RAD17: variants seen among roughly 807,000 people sequenced by gnomAD.
The protein encoded by RAD17 is cell cycle checkpoint protein RAD17.
RAD17 carries 31 observed loss-of-function variants against 81.5 expected under a neutral mutation model. The observed-to-expected ratio is 0.38, with a 90% confidence interval of 0.29 to 0.51. The LOEUF (loss-of-function observed/expected upper bound fraction) is 0.51, where lower values mean the gene tolerates loss of function less well. Ranked by LOEUF, RAD17 falls within the 20% of genes least tolerant of loss-of-function variation. RAD17 has a pLI of 0.88. For synonymous variants in RAD17, 261 were observed against 266.2 expected, an observed-to-expected ratio of 0.98 and a Z score of 0.19; for missense variants, 681 against 781.2, an observed-to-expected ratio of 0.87 and a Z score of 1.53.
rs760080251 is a variant in RAD17, at chr5:69,382,038, C to G, written c.489C>G (p.Phe163Leu). 1 of 1,612,554 alleles carries G rather than the reference C, an allele frequency of 6.2e-7. No individual in the cohort carries two copies. The highest frequency in any genetic ancestry group is 1.1e-5 in the South Asian group (1 of 90,894). ...TACCAGACTTCCAAAAAGATGATTT[C>G]AAGGGGATGTTTAATACTGGTAAGA... ...PVLPDFQKDD[F>L]KGMFNTESSF... is the part of the protein sequence containing the mutation. Residue 163 changes from phenylalanine (F) to leucine (L), a missense_variant, in exon 7 of 19, where the codon TTC becomes TTG. Coordinates refer to ENST00000354868, the MANE Select transcript of RAD17 (RefSeq NM_133338.3).
chr5:69,386,627 T>C lies in RAD17; in HGVS notation c.894+162T>C, dbSNP rs142790661. ...TAGCAAATGTAGGAAATACTGATTT[T>C]AAAAATCTTTAACATTTTTCTACTA... is the stretch of plus-strand genomic sequence containing the variant. On this transcript the variant is annotated intron_variant, in intron 11 of 18. Transcript: ENST00000354868. Among the ~76,000 whole-genome samples, 487 of 152,314 alleles carry C rather than the reference T, an allele frequency of 3.2e-3. 3 individuals carry two copies. Among genetic ancestry groups the C allele is most frequent in the African/African-American group, 0.011 (456 of 41,584 alleles).
intron 1 of RAD17, chr5:69,370,376 GT>G (rs1446425390): frequency 6.6e-6 from 1 of 152,492 alleles, no homozygotes; most frequent in Non-Finnish European, 1.5e-5. Flanking sequence ...TTTTTGTTTT[GT>G]TTTGAGACGG....
chr5:69,383,330 T>A (rs1763970106), intron 7 of RAD17, among the ~76,000 whole-genome samples: 1 of 151,900 alleles, frequency 6.6e-6, no homozygotes, highest in Admixed American at 6.6e-5. Flanking sequence ...GCTACTAGTA[T>A]CCCATCCTGC....
rs1447121834 is a variant in RAD17 at position 69,391,817 on chromosome 5, T to C, written c.1007-14T>C. 1 of 1,440,228 alleles carries C rather than the reference T, an allele frequency of 6.9e-7. No homozygotes were observed. The highest frequency in any genetic ancestry group is 1.5e-5 in the African/African-American group (1 of 67,622). The allele number at this position is 1,440,228 out of a possible 1,614,324, so 89.2% of individuals were successfully genotyped here. On this transcript the variant is annotated splice_polypyrimidine_tract_variant and intron_variant, in intron 12 of 18. Coordinates refer to ENST00000354868, the MANE Select transcript of RAD17 (RefSeq NM_133338.3). ...TTTAATTTAAATATTGTCACTTGGATGTATATTATTCAGGAGAAAACAACT... is the reference window on the plus strand; with the variant it reads ...TTTAATTTAAATATTGTCACTTGGACGTATATTATTCAGGAGAAAACAACT...
At chr5:69,369,480 G>A (rs146960635), upstream of RAD17, 3 of 1,611,118 alleles carry the variant, frequency 1.9e-6, no homozygotes, top group African/African-American at 1.3e-5. Flanking sequence ...CAGGATGTTC[G>A]GAAGCAACAT....
intron 18 of RAD17, among the ~76,000 whole-genome samples, chr5:69,410,859 C>T (rs1765926934): frequency 6.6e-6 from 1 of 151,284 alleles, no homozygotes; most frequent in Non-Finnish European, 1.5e-5. Context: ...TGTTCTTAGC[C>T]TATGCTTGAA....
rs1763219683 is a variant in RAD17, at chr5:69,374,551, T to C, written c.268-77T>C. The C allele has an allele frequency of 4.4e-6, 4 of 904,252 alleles. No individual in the cohort carries two copies. The Admixed American group carries it at 7.7e-5, about 17-fold the overall frequency. 56.0% of individuals were successfully genotyped at this position (904,252 alleles called of 1,614,324 possible). A position where few individuals can be genotyped will look rare whatever the true frequency, so the allele number is the denominator to read the frequency against. ...TGCTACTTCTTTTCGTTAATAATGC[T>C]TAGGTTCATATGTGCTGATGTACCA... On this transcript the variant is annotated intron_variant, in intron 5 of 18. Transcript: ENST00000354868.
chr5:69,392,892 G>A (rs1023670955), intron 13 of RAD17: 2 of 482,744 alleles, frequency 4.1e-6, no homozygotes, highest in Non-Finnish European at 3.8e-6. Context: ...AGCTGAAAAA[G>A]GTGAAATGGG....
chr5:69,392,880 A>G, intron 13 of RAD17: 3 of 475,140 alleles, frequency 6.3e-6, no homozygotes, highest in South Asian at 5.9e-5. Flanking sequence ...AAAGCAACCC[A>G]AAGCTGAAAA....
chr5:69,369,818 G>A lies in RAD17; in HGVS notation c.-532G>A, dbSNP rs1762807755. On this transcript the variant is annotated 5_prime_UTR_variant, in exon 1 of 19. Transcript: ENST00000354868. ...CAGTCTGGAAGGTCCCCGGGAGGCC[G>A]TACCTCCGAGAGGCTCGGCGTTGAG... 3.7e-6 allele frequency: 4 copies of A among 1,070,458 alleles called. No homozygotes were observed. Among genetic ancestry groups the A allele is most frequent in the East Asian group, 2.7e-5 (1 of 37,066 alleles). The allele number at this position is 1,070,458 out of a possible 1,614,324, so 66.3% of individuals were successfully genotyped here. A position where few individuals can be genotyped will look rare whatever the true frequency, so the allele number is the denominator to read the frequency against.
chr5:69,385,171 A>C (rs562628652), intron 8 of RAD17, among the ~76,000 whole-genome samples: 5 of 151,556 alleles, frequency 3.3e-5, no homozygotes, highest in Non-Finnish European at 7.4e-5. Context: ...TGTGTTAGCC[A>C]GGATGGTCTC....
At chr5:69,412,583 G>C (rs1766077053) in intron 18 of RAD17, among the ~76,000 whole-genome samples, 1 of 152,018 alleles carries the variant, frequency 6.6e-6, no homozygotes, top group African/African-American at 2.4e-5. Flanking sequence ...TTGCCAAATT[G>C]TTGGCAAGAA....
At chr5:69,392,131 A>G (rs1335605147) in intron 13 of RAD17, 118 bp downstream of exon 13, 10 of 799,714 alleles carry the variant, frequency 1.3e-5, no homozygotes, top group Non-Finnish European at 1.5e-5. Flanking sequence ...AGTTAGAGCT[A>G]GGTCAGATAC....
At chr5:69,391,696 A>T in intron 12 of RAD17, 135 bp from the exon 13 acceptor site, 1 of 652,956 alleles carries the variant, frequency 1.5e-6, no homozygotes, top group Non-Finnish European at 2.4e-6. Context: ...AACTCAGTTA[A>T]TGTCATTTAT....
rs778041423 is a variant in RAD17 at position 69,374,014 on chromosome 5, A to T, written c.194A>T (p.Tyr65Phe). 3.1e-6 allele frequency: 5 copies of T among 1,611,316 alleles called. No homozygotes were observed. The highest frequency in any genetic ancestry group is 2.7e-5 in the African/African-American group (2 of 74,786). Residue 65 changes from tyrosine (Y) to phenylalanine (F), a missense_variant, in exon 5 of 19, where the codon TAT (tyrosine) becomes TTT (phenylalanine). Physicochemically the swap from Tyr to Phe is conservative, Grantham distance 22. Transcript: ENST00000354868. ...AATCTATCTTCCTTAGAACAGATTTATGGTTTAGAAAATTCAAAAGAATAT... is the reference window on the plus strand; with the variant it reads ...AATCTATCTTCCTTAGAACAGATTTTTGGTTTAGAAAATTCAAAAGAATAT... ...RGNLSSLEQI[Y>F]GLENSKEYLS...
Position 69,373,843 on chromosome 5 carries a change from T to G in RAD17, c.23T>G (p.Val8Gly), listed in dbSNP as rs773971045. MNQVTDW[V>G]DPSFDDFLEC... ...TTTTTTTTTCAGGTAACAGACTGGGTTGACCCATCATTTGATGATTTTCTA... is the reference window on the plus strand; with the variant it reads ...TTTTTTTTTCAGGTAACAGACTGGGGTGACCCATCATTTGATGATTTTCTA... Residue 8 changes from valine (V) to glycine (G), a missense_variant, in exon 5 of 19, where the codon GTT (valine) becomes GGT (glycine). Val to Gly is a moderately radical substitution (Grantham distance 109). Transcript: ENST00000354868. 1 of 1,608,582 alleles carries G rather than the reference T, an allele frequency of 6.2e-7. No homozygotes were observed. Among genetic ancestry groups the G allele is most frequent in the Non-Finnish European group, 8.5e-7 (1 of 1,176,862 alleles).
intron 6 of RAD17, 50 bp from the exon 7 acceptor site, chr5:69,381,851 T>G: frequency 7.7e-7 from 1 of 1,306,798 alleles, no homozygotes; most frequent in Non-Finnish European, 1.1e-6. Context: ...AATAATATTC[T>G]AGCATTCCAG....
intron 12 of RAD17, 134 bp downstream of exon 12, chr5:69,389,279 C>T (rs1248343564): frequency 8.7e-6 from 4 of 457,236 alleles, no homozygotes; most frequent in East Asian, 3.5e-5. Flanking sequence ...GAGACAGTGG[C>T]TTAAAATTAA....
In RAD17 at chr5:69,373,515, C is replaced by T. The variant is rs188553699; in HGVS notation, c.10-315C>T. Among the ~76,000 whole-genome samples the T allele has an allele frequency of 1.0e-3, 152 of 151,946 alleles. 1 individual carries two copies. The highest frequency in any genetic ancestry group is 3.6e-3 in the African/African-American group (149 of 41,434). ...AAGAATTGTTTGAGACCAGCCTGGGCAACATGGCAAAAACCCATCTCTACA... is the reference window on the plus strand; with the variant it reads ...AAGAATTGTTTGAGACCAGCCTGGGTAACATGGCAAAAACCCATCTCTACA... On this transcript the variant is annotated intron_variant, in intron 4 of 18. Transcript: ENST00000354868.
Sources: allele counts gnomAD v4.1 joint callset (sites outside exome capture counted in the v4.1 genomes callset), GRCh38; gene constraint gnomAD v4.1.1; transcripts MANE v1.5; gene names NCBI Gene and HGNC (gene_info 2026-07-23, HGNC 2026-07-21).